INPP4B: variants seen among roughly 807,000 people sequenced by gnomAD.
The protein encoded by INPP4B is inositol polyphosphate-4-phosphatase type II B.
Under a neutral mutation model 122.5 loss-of-function variants are expected in INPP4B, and 55 were observed. The observed-to-expected ratio is 0.45, with a 90% confidence interval of 0.36 to 0.56. The LOEUF (loss-of-function observed/expected upper bound fraction) is 0.56. Ranked by LOEUF, INPP4B falls within the 20% of genes least tolerant of loss-of-function variation. The pLI, the probability that INPP4B is intolerant of heterozygous loss-of-function variation, is 0.00. For missense variants in INPP4B, 1,000 were observed against 1,097.7 expected (o/e 0.91, Z 1.26); for synonymous variants, 403 against 388.7 (o/e 1.04, Z -0.43).
intron 15 of INPP4B, among the ~76,000 whole-genome samples, chr4:142,180,800 G>A (rs1830451543): frequency 6.6e-6 from 1 of 152,044 alleles, no homozygotes; most frequent in African/African-American, 2.4e-5. Flanking sequence ...ATTTTTAATT[G>A]AATAAGTATT....
intron 1 of INPP4B, among the ~76,000 whole-genome samples, chr4:142,829,320 A>G (rs1208184671): frequency 6.6e-6 from 1 of 152,120 alleles, no homozygotes; most frequent in East Asian, 1.9e-4. Context: ...GACGGACTTT[A>G]GCCAATGTGG....
At chr4:142,425,883 G>C (rs2840094) in intron 5 of INPP4B, among the ~76,000 whole-genome samples, 99,225 of 151,754 alleles carry the variant, frequency 0.65, 32,624 homozygotes, top group Non-Finnish European at 0.69. Flanking sequence ...GCCCCCATTC[G>C]TATCACAATC....
At chr4:142,550,317 G>A (rs77415263) in intron 2 of INPP4B, among the ~76,000 whole-genome samples, 1 of 152,030 alleles carries the variant, frequency 6.6e-6, no homozygotes, top group Middle Eastern at 3.2e-3. Flanking sequence ...AAGACAAATT[G>A]ATATTCTCCA....
chr4:142,466,171 A>G (rs1817726248), intron 2 of INPP4B, among the ~76,000 whole-genome samples: 1 of 152,194 alleles, frequency 6.6e-6, no homozygotes. Flanking sequence ...CAGAAGAAGC[A>G]GGAAGATGAG....
At chr4:142,777,054 A>T (rs757655630) in intron 1 of INPP4B, among the ~76,000 whole-genome samples, 5 of 152,146 alleles carry the variant, frequency 3.3e-5, no homozygotes, top group Admixed American at 1.3e-4. Context: ...ACACTCATGA[A>T]TGCATGTCCA....
intron 5 of INPP4B, among the ~76,000 whole-genome samples, chr4:142,416,624 T>C (rs1242003453): frequency 6.6e-6 from 1 of 151,934 alleles, no homozygotes; most frequent in Non-Finnish European, 1.5e-5. Context: ...ATGAGAAAAA[T>C]AGATGGTTCT....
chr4:142,349,102 A>T (rs1781195579), intron 7 of INPP4B, among the ~76,000 whole-genome samples: 1 of 152,060 alleles, frequency 6.6e-6, no homozygotes, highest in Non-Finnish European at 1.5e-5. Context: ...AGTAGCCAAG[A>T]TCATCATGGC....
At chr4:142,712,533 A>G (rs1763242989) in intron 2 of INPP4B, among the ~76,000 whole-genome samples, 1 of 152,222 alleles carries the variant, frequency 6.6e-6, no homozygotes, top group Admixed American at 6.5e-5. Flanking sequence ...TGTGTTAAAG[A>G]TAGTTTAGTT....
At chr4:142,199,805 C>T (rs1839911738) in intron 14 of INPP4B, among the ~76,000 whole-genome samples, 1 of 151,992 alleles carries the variant, frequency 6.6e-6, no homozygotes. Flanking sequence ...GTACCCTTCT[C>T]AGAGCATCAT....
chr4:142,069,784 G>A (rs954454069), intron 25 of INPP4B, among the ~76,000 whole-genome samples: 1 of 152,104 alleles, frequency 6.6e-6, no homozygotes, highest in Non-Finnish European at 1.5e-5. Context: ...ACTAAACCAG[G>A]AAGAAGTTGA....
At chr4:142,779,109 C>G (rs1646742463) in intron 1 of INPP4B, among the ~76,000 whole-genome samples, 1 of 152,006 alleles carries the variant, frequency 6.6e-6, no homozygotes, top group African/African-American at 2.4e-5. Flanking sequence ...AGGTGACTCA[C>G]TCCTACAACC....
chr4:142,243,273 G>C lies in INPP4B; in HGVS notation c.689-5262C>G, dbSNP rs28372237. On this transcript the variant is annotated intron_variant, in intron 11 of 25. Coordinates refer to ENST00000262992, the MANE Select transcript of INPP4B (RefSeq NM_001101669.3). The stretch of plus-strand genomic sequence containing the variant: ...AAGGAGGAAGAGGAGGAGATAAATG[G>C]ACTTAGGAAAGATAGTTGAAGCATT... Among the ~76,000 whole-genome samples the C allele has an allele frequency of 4.6e-3, 698 of 152,262 alleles. 4 individuals carry two copies. The highest frequency in any genetic ancestry group is 0.016 in the African/African-American group (660 of 41,540).
chr4:142,627,764 T>A (rs1326480264), intron 2 of INPP4B, among the ~76,000 whole-genome samples: 1 of 152,188 alleles, frequency 6.6e-6, no homozygotes, highest in East Asian at 1.9e-4. Flanking sequence ...GATGCTGGCC[T>A]CATAAAATGA....
intron 1 of INPP4B, among the ~76,000 whole-genome samples, chr4:142,741,648 T>C (rs1225156702): frequency 1.3e-5 from 2 of 151,966 alleles, no homozygotes; most frequent in African/African-American, 4.8e-5. Flanking sequence ...TATAATCGCA[T>C]AGATGCATTG....
rs1166990577 is a variant in INPP4B, at chr4:142,242,420, G to T, written c.689-4409C>A. Among the ~76,000 whole-genome samples, 6 of 152,134 alleles carry T rather than the reference G, an allele frequency of 3.9e-5. No individual in the cohort carries two copies. The East Asian group carries it at 1.2e-3, about 29-fold the overall frequency. ...TAAAACACAAACGTATTATTTGTCT[G>T]CAGTTGGTGACAATTGGTGAATTTC... On this transcript the variant is annotated intron_variant, in intron 11 of 25. Coordinates refer to ENST00000262992, the MANE Select transcript of INPP4B (RefSeq NM_001101669.3).
chr4:142,114,399 A>T, intron 21 of INPP4B, among the ~76,000 whole-genome samples: 1 of 152,114 alleles, frequency 6.6e-6, no homozygotes, highest in East Asian at 1.9e-4. Context: ...CAATTCCACC[A>T]GCAATGTACA....
chr4:142,146,073 G>C, intron 17 of INPP4B, 77 bp from the exon 18 acceptor site: 2 of 1,511,664 alleles, frequency 1.3e-6, no homozygotes, highest in Non-Finnish European at 1.8e-6. Context: ...ATCTATTTTA[G>C]AGAAGCATTT....
chr4:142,170,397 T>A (rs999343375), intron 16 of INPP4B, among the ~76,000 whole-genome samples: 6 of 151,682 alleles, frequency 4.0e-5, no homozygotes, highest in African/African-American at 1.4e-4. Flanking sequence ...TTAATAGTAC[T>A]CCTTCCCTGC....
At chr4:142,515,396 C>A (rs116025725) in intron 2 of INPP4B, among the ~76,000 whole-genome samples, 66 of 152,286 alleles carry the variant, frequency 4.3e-4, no homozygotes, top group Non-Finnish European at 7.5e-4. Context: ...TATTTAAATT[C>A]TCTCTGGTGT....
Sources: allele counts gnomAD v4.1 joint callset (sites outside exome capture counted in the v4.1 genomes callset), GRCh38; gene constraint gnomAD v4.1.1; transcripts MANE v1.5; gene names NCBI Gene and HGNC (gene_info 2026-07-23, HGNC 2026-07-21).